Variants in PLEKHA4 observed in about 807,000 individuals in gnomAD.
PLEKHA4 encodes pleckstrin homology domain containing A4, also known as pleckstrin homology domain-containing family A member 4.
Under a neutral mutation model 94.7 loss-of-function variants are expected in PLEKHA4, and 73 were observed. The ratio of observed to expected loss-of-function variants is 0.77; its 90% CI spans 0.64 to 0.94. The LOEUF is 0.94. Ranked by LOEUF, PLEKHA4 falls within the 40% of genes least tolerant of loss-of-function variation. The pLI is 0.00. For synonymous variants in PLEKHA4, 449 were observed against 437.1 expected, an observed-to-expected ratio of 1.03 and a Z score of -0.34; for missense variants, 1,049 against 1,054.1, an observed-to-expected ratio of 1.00 and a Z score of 0.07.
At position 48,847,918 on chromosome 19, in the gene PLEKHA4, C is replaced by T. The variant is rs1234249558; in HGVS notation, c.1548G>A (p.Glu516=). 8 of 1,585,414 alleles carry T rather than the reference C, an allele frequency of 5.0e-6. No homozygotes were observed. Among genetic ancestry groups the T allele is most frequent in the Non-Finnish European group, 6.9e-6 (8 of 1,166,420 alleles). ...GTCTTACCTCCCTCTCTGAGGACTCCTCGCCCTGGAGCACGGGAGATGGGG... is the reference window on the plus strand; with the variant it reads ...GTCTTACCTCCCTCTCTGAGGACTCTTCGCCCTGGAGCACGGGAGATGGGG... ...PDSPSPVLQG[E]ESSERESLPE... is the part of the protein sequence containing the mutation. Residue 516 remains glutamate, a synonymous_variant, in exon 14 of 20, where the codon GAG becomes GAA. Transcript: ENST00000263265.
chr19:48,856,425 T>C (rs1384152930), intron 9 of PLEKHA4, among the ~76,000 whole-genome samples: 2 of 114,330 alleles, frequency 1.7e-5, no homozygotes, highest in Non-Finnish European at 4.2e-5. Context: ...CTACTAAAAA[T>C]ACAAAAAAGT....
At chr19:48,865,667 G>C (rs2123191221) in intron 2 of PLEKHA4, 57 bp from the exon 3 acceptor site, 2 of 1,259,044 alleles carry the variant, frequency 1.6e-6, no homozygotes, top group East Asian at 4.7e-5. Context: ...TCCTGGGAGG[G>C]GGTGAGGGTG....
At position 48,861,627 on chromosome 19, in the gene PLEKHA4, A is replaced by G. The variant is rs768651607; in HGVS notation, c.258T>C (p.Tyr86=). 8 of 1,614,222 alleles carry G rather than the reference A, an allele frequency of 5.0e-6. No individual in the cohort carries two copies. Among genetic ancestry groups the G allele is most frequent in the Non-Finnish European group, 6.8e-6 (8 of 1,180,020 alleles). ...WFVLSGHCLF[Y]YKDSREESVL... is the part of the protein sequence containing the mutation. ...AGCCAGCCAGCCACTGACCCTTGTAATAAAAGAGGCAATGGCCGGAGAGGA... is the reference window on the plus strand; with the variant it reads ...AGCCAGCCAGCCACTGACCCTTGTAGTAAAAGAGGCAATGGCCGGAGAGGA... Residue 86 remains tyrosine, a synonymous_variant, in exon 4 of 20, where the codon TAT becomes TAC. Transcript: ENST00000263265.
At chr19:48,855,385 C>T (rs1244147225) in intron 9 of PLEKHA4, among the ~76,000 whole-genome samples, 3 of 151,948 alleles carry the variant, frequency 2.0e-5, no homozygotes, top group Admixed American at 6.6e-5. Context: ...GGGTGGATCA[C>T]CTGAGGTCAG....
intron 3 of PLEKHA4, 22 bp from the exon 4 acceptor site, chr19:48,861,714 G>C: frequency 6.2e-7 from 1 of 1,602,816 alleles, no homozygotes; most frequent in Non-Finnish European, 8.5e-7. Context: ...GATGGGAGGA[G>C]GGGCCTGAGT....
chr19:48,840,795 G>A (rs1322782372), intron 17 of PLEKHA4, among the ~76,000 whole-genome samples: 7 of 152,124 alleles, frequency 4.6e-5, no homozygotes, highest in East Asian at 1.9e-4. Flanking sequence ...GATCTGGGAC[G>A]TTCTTCCTAT....
rs764303280 is a variant in PLEKHA4, at chr19:48,852,232, G to T, written c.1421C>A (p.Pro474His). 3.7e-6 allele frequency: 6 copies of T among 1,613,650 alleles called. No individual in the cohort carries two copies. The highest frequency in any genetic ancestry group is 1.1e-5 in the South Asian group (1 of 91,084). ...GGTCTCCAAGCAGCGATTTACCTGG[G>T]GAGAACCAAGGTGCAGCAGGTACTC... ...TLEYLLHLGSPQDRVSAQQQL... is the reference protein window; with the variant it reads ...TLEYLLHLGSHQDRVSAQQQL... Residue 474 changes from proline to histidine, a missense_variant, in exon 13 of 20, where the codon CCC (proline) becomes CAC (histidine). Coordinates refer to ENST00000263265, the MANE Select transcript of PLEKHA4 (RefSeq NM_020904.3).
chr19:48,862,204 C>CTCTTTT (rs1555784617), intron 3 of PLEKHA4, among the ~76,000 whole-genome samples: 12 of 135,526 alleles, frequency 8.9e-5, no homozygotes, highest in Non-Finnish European at 1.4e-4. Context: ...TTTTCTCTCT[C>CTCTTTT]TTTTTTTTTT....
In PLEKHA4 at chr19:48,861,445, G is replaced by C. The variant is rs762130704; in HGVS notation, c.322C>G (p.Pro108Ala). 6.2e-7 allele frequency: 1 copy of C among 1,614,132 alleles called. No homozygotes were observed. Among genetic ancestry groups the C allele is most frequent in the Non-Finnish European group, 8.5e-7 (1 of 1,180,032 alleles). Residue 108 changes from proline (P) to alanine (A), a missense_variant, in exon 5 of 20, where the codon CCA becomes GCA. Physicochemically the swap from Pro to Ala is conservative, Grantham distance 27. Coordinates refer to ENST00000263265, the MANE Select transcript of PLEKHA4 (RefSeq NM_020904.3). ...SVLLPSYNIRPDGPGAPRGRR... is the reference protein window; with the variant it reads ...SVLLPSYNIRADGPGAPRGRR... ...CCTCGGGGGGCTCCCGGCCCATCTG[G>C]TCTAATATTGTAGCTGGGGAGCAGG...
At chr19:48,859,177 G>A in intron 7 of PLEKHA4, 38 bp from the exon 8 acceptor site, 1 of 1,457,212 alleles carries the variant, frequency 6.9e-7, no homozygotes, top group Non-Finnish European at 9.2e-7. Flanking sequence ...GAGTCAACTA[G>A]AGCCCTCTCC....
chr19:48,862,204 C>CT (rs747491446), intron 3 of PLEKHA4, among the ~76,000 whole-genome samples: 26,509 of 135,440 alleles, frequency 0.2, 3,688 homozygotes, highest in African/African-American at 0.38. Flanking sequence ...TTTTCTCTCT[C>CT]TTTTTTTTTT....
At chr19:48,847,197 A>G (rs1487070743) in intron 14 of PLEKHA4, among the ~76,000 whole-genome samples, 4 of 152,094 alleles carry the variant, frequency 2.6e-5, no homozygotes, top group Non-Finnish European at 4.4e-5. Flanking sequence ...TGGAATACTG[A>G]GACTGGAGGA....
intron 16 of PLEKHA4, among the ~76,000 whole-genome samples, chr19:48,843,392 G>A (rs1599870369): frequency 6.6e-6 from 1 of 152,092 alleles, no homozygotes; most frequent in East Asian, 1.9e-4. Flanking sequence ...TGTTGGTCAG[G>A]CTGGTTTCGA....
intron 2 of PLEKHA4, among the ~76,000 whole-genome samples, chr19:48,866,497 C>T (rs1359046366): frequency 6.6e-6 from 1 of 151,930 alleles, no homozygotes; most frequent in Non-Finnish European, 1.5e-5. Context: ...AGCAGAGACG[C>T]GGTTTCGCCA....
At chr19:48,858,686 T>C (rs535270667) in intron 8 of PLEKHA4, among the ~76,000 whole-genome samples, 174 bp downstream of exon 8, 8 of 144,514 alleles carry the variant, frequency 5.5e-5, no homozygotes, top group Non-Finnish European at 1.2e-4. Context: ...CCCAGACACC[T>C]GAGAGGAGCT....
At chr19:48,857,296 A>G (rs2036459130) in intron 9 of PLEKHA4, 126 bp downstream of exon 9, 1 of 565,868 alleles carries the variant, frequency 1.8e-6, no homozygotes, top group South Asian at 2.4e-5. Context: ...TGAATCTAAT[A>G]CCTACCCAGG....
intron 14 of PLEKHA4, among the ~76,000 whole-genome samples, chr19:48,847,060 C>A (rs2035995190): frequency 1.3e-5 from 2 of 152,004 alleles, no homozygotes; most frequent in South Asian, 2.1e-4. Context: ...TAACATTTTA[C>A]TTTTTGATAT....
At chr19:48,846,030 A>T (rs1475500081) in intron 14 of PLEKHA4, among the ~76,000 whole-genome samples, 2 of 146,366 alleles carry the variant, frequency 1.4e-5, no homozygotes, top group African/African-American at 2.5e-5. Context: ...AAAAAAAAAG[A>T]CTATAAACCA....
intron 3 of PLEKHA4, among the ~76,000 whole-genome samples, chr19:48,864,317 C>T (rs772940683): frequency 6.6e-6 from 1 of 152,024 alleles, no homozygotes; most frequent in Non-Finnish European, 1.5e-5. Flanking sequence ...CAGGCACCCC[C>T]AAGCTGGCCC....
Sources: gnomAD v4.1 joint callset for allele counts (sites outside exome capture counted in the v4.1 genomes callset) on GRCh38, gnomAD v4.1.1 for gene constraint, MANE v1.5 for transcripts, NCBI Gene and HGNC (gene_info 2026-07-23, HGNC 2026-07-21) for gene names.